PTPRM: variants seen among roughly 807,000 people sequenced by gnomAD.
PTPRM encodes the protein receptor-type tyrosine-protein phosphatase mu.
In PTPRM, 47 loss-of-function variants were observed where a neutral mutation model predicts 186.7. The observed-to-expected ratio is 0.25, with a 90% CI of 0.20 to 0.32. PTPRM has a LOEUF of 0.32. PTPRM is among the 10% of genes least tolerant of loss of function. The pLI is 1.00. For missense variants in PTPRM, 1,494 were observed against 1,865.0 expected (o/e 0.80, Z 3.66); for synonymous variants, 668 against 674.9 (o/e 0.99, Z 0.16).
chr18:7,630,331 T>C (rs1318187907), intron 1 of PTPRM, among the ~76,000 whole-genome samples: 1 of 152,032 alleles, frequency 6.6e-6, no homozygotes, highest in African/African-American at 2.4e-5. Context: ...AAAGGTGATA[T>C]AGACAAGAGA....
chr18:7,703,803 GT>G (rs1345222249), intron 1 of PTPRM, among the ~76,000 whole-genome samples: 1 of 152,184 alleles, frequency 6.6e-6, no homozygotes, highest in Non-Finnish European at 1.5e-5. Flanking sequence ...GATATTGGCT[GT>G]GGGTTTGTCA....
intron 29 of PTPRM, among the ~76,000 whole-genome samples, chr18:8,382,680 A>G (rs1030298497): frequency 1.3e-5 from 2 of 152,232 alleles, no homozygotes; most frequent in African/African-American, 4.8e-5. Flanking sequence ...ATTCTTACTT[A>G]TAAAATCCCA....
At chr18:7,680,456 G>A (rs2039454823) in intron 1 of PTPRM, among the ~76,000 whole-genome samples, 1 of 152,144 alleles carries the variant, frequency 6.6e-6, no homozygotes, top group African/African-American at 2.4e-5. Context: ...TCAATACATT[G>A]CAGCACAATA....
rs142428886 is a variant in PTPRM at position 7,601,255 on chromosome 18, C to A, written c.73+33364C>A. 4.5e-3 allele frequency among the ~76,000 whole-genome samples: 683 copies of A among 152,328 alleles called. 5 individuals carry two copies. Among genetic ancestry groups the A allele is most frequent in the African/African-American group, 0.016 (651 of 41,572 alleles). Reference sequence around the variant, plus strand: ...TGAGTTTCAGTTAGGCTTTCCTCCCCACTGGCATATCTGCAGGAAGGACAG... The same window carrying A: ...TGAGTTTCAGTTAGGCTTTCCTCCCAACTGGCATATCTGCAGGAAGGACAG... On this transcript the variant is annotated intron_variant, in intron 1 of 32. Transcript: ENST00000580170.
At position 8,179,414 on chromosome 18, in the gene PTPRM, A is replaced by G. The variant is rs149855810; in HGVS notation, c.2300+35635A>G. On this transcript the variant is annotated intron_variant, in intron 14 of 32. Transcript: ENST00000580170. ...TTAACTCCTGTTCTACTTGATATTC[A>G]TGACACACCATTCTTGGACTTTCTG... Among the ~76,000 whole-genome samples, 1,144 of 151,370 alleles carry G rather than the reference A, an allele frequency of 7.6e-3. 14 individuals are homozygous for G. Among genetic ancestry groups the G allele is most frequent in the African/African-American group, 0.026 (1,088 of 41,190 alleles).
intron 1 of PTPRM, among the ~76,000 whole-genome samples, chr18:7,665,122 G>T (rs2144421798): frequency 6.6e-6 from 1 of 152,230 alleles, no homozygotes; most frequent in South Asian, 2.1e-4. Context: ...ACCCCTCAGG[G>T]ATTGCAATTA....
At chr18:7,675,013 T>C (rs2039302810) in intron 1 of PTPRM, among the ~76,000 whole-genome samples, 1 of 152,230 alleles carries the variant, frequency 6.6e-6, no homozygotes, top group Non-Finnish European at 1.5e-5. Context: ...CCTGTGATTC[T>C]TGTAAAGAGT....
intron 14 of PTPRM, among the ~76,000 whole-genome samples, chr18:8,175,019 C>T (rs542557218): frequency 6.6e-6 from 1 of 152,356 alleles, no homozygotes; most frequent in African/African-American, 2.4e-5. Flanking sequence ...ACACTGTTTA[C>T]ATGCTAATGC....
rs560926601 is a variant in PTPRM at position 8,348,431 on chromosome 18, T to G, written c.3054+4911T>G. On this transcript the variant is annotated intron_variant, in intron 23 of 32. Transcript: ENST00000580170. ...GGACCTGTCATTATCTAAGACTTCCTTGTCACCACCATGCCTCCCCTTTTA... is the reference window on the plus strand; with the variant it reads ...GGACCTGTCATTATCTAAGACTTCCGTGTCACCACCATGCCTCCCCTTTTA... Among the ~76,000 whole-genome samples, 18 of 152,344 alleles carry G rather than the reference T, an allele frequency of 1.2e-4. No individual in the cohort carries two copies. In the East Asian group the frequency reaches 3.5e-3, roughly 29 times the overall value.
At chr18:7,589,302 TTC>T (rs1340363042) in intron 1 of PTPRM, among the ~76,000 whole-genome samples, 10 of 152,190 alleles carry the variant, frequency 6.6e-5, no homozygotes, top group Non-Finnish European at 1.5e-4. Flanking sequence ...GGGTATGGCT[TTC>T]TTTTGGCAGC....
At chr18:8,235,251 A>G (rs1054888353) in intron 14 of PTPRM, among the ~76,000 whole-genome samples, 4 of 152,094 alleles carry the variant, frequency 2.6e-5, no homozygotes, top group African/African-American at 9.7e-5. Flanking sequence ...CAATTTTTTA[A>G]TAGCTATAGG....
intron 7 of PTPRM, among the ~76,000 whole-genome samples, chr18:8,027,961 C>T (rs2085678099): frequency 6.6e-6 from 1 of 152,068 alleles, no homozygotes; most frequent in Admixed American, 6.5e-5. Context: ...TCACTGTCCC[C>T]TGGTTAGTTG....
At chr18:7,924,177 G>C (rs542061231) in intron 4 of PTPRM, among the ~76,000 whole-genome samples, 1 of 152,332 alleles carries the variant, frequency 6.6e-6, no homozygotes, top group South Asian at 2.1e-4. Context: ...GCAGAATGTG[G>C]AAGAGGCAGG....
chr18:7,957,173 C>CTTT lies in PTPRM; in HGVS notation c.1132+1771_1132+1773dup, dbSNP rs79379767. Among the ~76,000 whole-genome samples, 1,013 of 136,668 alleles carry CTTT rather than the reference C, an allele frequency of 7.4e-3. 5 individuals are homozygous for CTTT. The highest frequency in any genetic ancestry group is 0.035 in the South Asian group (145 of 4,182). The allele number at this position is 136,668 out of a possible 152,430, so 89.7% of individuals were successfully genotyped here. A position where few individuals can be genotyped will look rare whatever the true frequency, so the allele number is the denominator to read the frequency against. ...CCTACATAATGTTTCCAGTCCTGTT[C>CTTT]TTTTTTTTTTTTTTACACATTTTTG... On this transcript the variant is annotated intron_variant, in intron 7 of 32. Coordinates refer to ENST00000580170, the MANE Select transcript of PTPRM (RefSeq NM_001105244.2).
At chr18:7,833,467 C>A (rs941294398) in intron 2 of PTPRM, among the ~76,000 whole-genome samples, 3 of 152,120 alleles carry the variant, frequency 2.0e-5, no homozygotes, top group African/African-American at 7.2e-5. Flanking sequence ...GGTGCAGTGG[C>A]CCATGCCTGT....
intron 24 of PTPRM, among the ~76,000 whole-genome samples, chr18:8,373,887 A>G (rs73939465): frequency 0.024 from 3,263 of 138,186 alleles, 42 homozygotes; most frequent in African/African-American, 0.046. Flanking sequence ...CCTGTCTCGG[A>G]AAAAAAAAAA....
At chr18:8,204,419 G>T (rs964415959) in intron 14 of PTPRM, among the ~76,000 whole-genome samples, 1 of 151,826 alleles carries the variant, frequency 6.6e-6, no homozygotes, top group African/African-American at 2.4e-5. Flanking sequence ...CTCTGATAAG[G>T]TTTTATTAAT....
At chr18:7,851,260 G>C (rs2046845533) in intron 2 of PTPRM, among the ~76,000 whole-genome samples, 1 of 152,184 alleles carries the variant, frequency 6.6e-6, no homozygotes, top group Non-Finnish European at 1.5e-5. Context: ...GTATCTTCAG[G>C]AAAGTCAAAA....
intron 2 of PTPRM, among the ~76,000 whole-genome samples, chr18:7,784,375 C>T (rs769408699): frequency 6.6e-6 from 1 of 152,046 alleles, no homozygotes; most frequent in Non-Finnish European, 1.5e-5. Context: ...GTATGTCGCT[C>T]TCTGCCAGCC....
Sources: gnomAD v4.1 joint callset for allele counts (sites outside exome capture counted in the v4.1 genomes callset) on GRCh38, gnomAD v4.1.1 for gene constraint, MANE v1.5 for transcripts, NCBI Gene and HGNC (gene_info 2026-07-23, HGNC 2026-07-21) for gene names.